The following GPR158 variants were observed in gnomAD, a reference collection of about 807,000 sequenced individuals.
GPR158 encodes G protein-coupled receptor 158.
GPR158 carries 30 observed loss-of-function variants against 78.2 expected under a neutral mutation model. The observed-to-expected ratio is 0.38, with a 90% CI of 0.29 to 0.52. GPR158 has a LOEUF of 0.52. Ranked by LOEUF, GPR158 falls within the 20% of genes least tolerant of loss-of-function variation. The pLI is 0.83. For missense variants in GPR158, 1,463 were observed against 1,523.5 expected (o/e 0.96, Z 0.66); for synonymous variants, 581 against 591.1 (o/e 0.98, Z 0.25).
intron 4 of GPR158, among the ~76,000 whole-genome samples, chr10:25,449,469 T>A (rs964765265): frequency 6.6e-6 from 1 of 152,216 alleles, no homozygotes; most frequent in African/African-American, 2.4e-5. Flanking sequence ...TAATTCTAGT[T>A]GTGATAAGTG....
At chr10:25,450,395 TTTTTA>T (rs768433394) in intron 4 of GPR158, among the ~76,000 whole-genome samples, 289 of 19,290 alleles carry the variant, frequency 0.015, 1 homozygote, top group East Asian at 0.056. Context: ...TTTTTTTTTT[TTTTTA>T]AACCTTAAAT....
intron 7 of GPR158, among the ~76,000 whole-genome samples, chr10:25,583,415 A>G (rs1837228928): frequency 6.6e-6 from 1 of 152,220 alleles, no homozygotes; most frequent in African/African-American, 2.4e-5. Context: ...AGTGTAACTC[A>G]TAATTGGCTT....
At chr10:25,291,957 C>T (rs933465609) in intron 2 of GPR158, among the ~76,000 whole-genome samples, 1 of 152,042 alleles carries the variant, frequency 6.6e-6, no homozygotes, top group Non-Finnish European at 1.5e-5. Flanking sequence ...TTCTCAAATA[C>T]TGGGGAAACT....
chr10:25,588,984 A>G, intron 7 of GPR158, 23 bp from the exon 8 acceptor site: 1 of 1,507,384 alleles, frequency 6.6e-7, no homozygotes, highest in Non-Finnish European at 9.0e-7. Context: ...AAAACTCATG[A>G]AAATGGTTTG....
At chr10:25,597,655 T>C in intron 10 of GPR158, 117 bp from the exon 11 acceptor site, 3 of 641,904 alleles carry the variant, frequency 4.7e-6, no homozygotes, top group Non-Finnish European at 5.0e-6. Flanking sequence ...GAGAAAGCTG[T>C]AGAGCAGTTG....
chr10:25,494,122 G>A (rs1025853332), intron 5 of GPR158, among the ~76,000 whole-genome samples: 2 of 152,098 alleles, frequency 1.3e-5, no homozygotes, highest in South Asian at 2.1e-4. Context: ...AATAGTCCTG[G>A]TACTAATTTG....
intron 4 of GPR158, among the ~76,000 whole-genome samples, chr10:25,417,323 T>C (rs74706360): frequency 0.014 from 2,127 of 152,284 alleles, 49 homozygotes; most frequent in African/African-American, 0.048. Context: ...TACACTGTTC[T>C]TGGCTGATGT....
chr10:25,525,728 T>C (rs921534551), intron 5 of GPR158, among the ~76,000 whole-genome samples: 4 of 152,240 alleles, frequency 2.6e-5, no homozygotes, highest in Admixed American at 6.5e-5. Flanking sequence ...GTTCAAAAAT[T>C]GATTGTGGTA....
At chr10:25,216,129 T>C (rs1853209477) in intron 1 of GPR158, among the ~76,000 whole-genome samples, 1 of 152,142 alleles carries the variant, frequency 6.6e-6, no homozygotes, top group African/African-American at 2.4e-5. Flanking sequence ...GCCACTAGCA[T>C]AGATTTAGAG....
At chr10:25,565,655 A>C (rs1200649449) in intron 6 of GPR158, among the ~76,000 whole-genome samples, 1 of 152,216 alleles carries the variant, frequency 6.6e-6, no homozygotes, top group African/African-American at 2.4e-5. Flanking sequence ...GTTTTGCTTT[A>C]GATAAATGAC....
At chr10:25,571,238 C>G (rs977805656) in intron 6 of GPR158, among the ~76,000 whole-genome samples, 1 of 152,094 alleles carries the variant, frequency 6.6e-6, no homozygotes, top group Non-Finnish European at 1.5e-5. Flanking sequence ...TTACTTGTAT[C>G]TGTTACTATA....
intron 2 of GPR158, among the ~76,000 whole-genome samples, chr10:25,378,399 A>G (rs1426086284): frequency 1.1e-5 from 1 of 94,414 alleles, no homozygotes; most frequent in Non-Finnish European, 2.7e-5. Flanking sequence ...TAACAATGAT[A>G]GGCAAGTTTT....
Position 25,597,767 on chromosome 10 carries a change from G to C in GPR158, c.2146-5G>C. ...ACTTCTTTGAATTTGCTTTTGTTCT[G>C]GCAGGACGAGCTGAAAAAACTCTAT... On this transcript the variant is annotated splice_region_variant and splice_polypyrimidine_tract_variant and intron_variant, in intron 10 of 10. Transcript: ENST00000376351. 4 of 1,496,920 alleles carry C rather than the reference G, an allele frequency of 2.7e-6. 1 individual carries two copies. The South Asian group carries it at 5.9e-5, about 22-fold the overall frequency. 92.7% of individuals were successfully genotyped at this position (1,496,920 alleles called of 1,614,324 possible). A position where few individuals can be genotyped will look rare whatever the true frequency, so the allele number is the denominator to read the frequency against.
intron 2 of GPR158, among the ~76,000 whole-genome samples, chr10:25,248,496 G>A (rs976047386): frequency 3.3e-5 from 5 of 149,800 alleles, no homozygotes; most frequent in African/African-American, 1.2e-4. Flanking sequence ...TTTGTATAAG[G>A]TGTAAGGAAG....
chr10:25,287,139 C>A (rs1418235598), intron 2 of GPR158, among the ~76,000 whole-genome samples: 1 of 152,006 alleles, frequency 6.6e-6, no homozygotes, highest in Non-Finnish European at 1.5e-5. Context: ...TAGTTGTATT[C>A]CTGCTTTTCT....
intron 6 of GPR158, among the ~76,000 whole-genome samples, chr10:25,555,013 GAAAGAAAAGA>G (rs914616595): frequency 6.7e-6 from 1 of 149,930 alleles, no homozygotes; most frequent in African/African-American, 2.5e-5. Context: ...AGAGAGGAAA[GAAAGAAAAGA>G]AAAGAAGAGA....
chr10:25,503,916 A>C (rs1588890016), intron 5 of GPR158, among the ~76,000 whole-genome samples: 1 of 147,890 alleles, frequency 6.8e-6, no homozygotes, highest in East Asian at 2.0e-4. Flanking sequence ...TTTGAGACAG[A>C]GCCTCGCTCT....
At chr10:25,560,236 T>C (rs546592601) in intron 6 of GPR158, among the ~76,000 whole-genome samples, 1 of 152,224 alleles carries the variant, frequency 6.6e-6, no homozygotes, top group South Asian at 2.1e-4. Flanking sequence ...CAATGGTAAG[T>C]AGGATTTTTT....
chr10:25,179,612 A>G (rs1852588998), intron 1 of GPR158, among the ~76,000 whole-genome samples: 1 of 152,168 alleles, frequency 6.6e-6, no homozygotes, highest in Non-Finnish European at 1.5e-5. Flanking sequence ...AATAAATTCT[A>G]TTCCCTTATG....
Sources: gnomAD v4.1 joint callset for allele counts (sites outside exome capture counted in the v4.1 genomes callset) on GRCh38, gnomAD v4.1.1 for gene constraint, MANE v1.5 for transcripts, NCBI Gene and HGNC (gene_info 2026-07-23, HGNC 2026-07-21) for gene names.